Variants in ZNF66 observed in about 807,000 individuals in gnomAD.
ZNF66 encodes putative zinc finger protein 66.
ZNF66 carries 32 observed loss-of-function variants against 35.2 expected under a neutral mutation model. That is an observed-to-expected ratio of 0.91 (90% CI 0.69 to 1.22). The LOEUF is 1.22. Ranked by LOEUF, ZNF66 falls within the 50% of genes most tolerant of loss-of-function variation. The pLI is 0.00. For synonymous variants in ZNF66, 231 were observed against 181.3 expected, an observed-to-expected ratio of 1.27 and a Z score of -2.20; for missense variants, 666 against 543.1, an observed-to-expected ratio of 1.23 and a Z score of -2.25.
At chr19:20,782,373 T>C (rs79337627) in intron 1 of ZNF66, among the ~76,000 whole-genome samples, 1,700 of 152,344 alleles carry the variant, frequency 0.011, 19 homozygotes, top group South Asian at 0.046. Flanking sequence ...AATTTATATT[T>C]CCTTGGGTAT....
intron 3 of ZNF66, among the ~76,000 whole-genome samples, chr19:20,804,870 C>G (rs541688832): frequency 6.6e-6 from 1 of 152,218 alleles, no homozygotes; most frequent in Admixed American, 6.5e-5. Flanking sequence ...TCAGTAATCA[C>G]TTGCTAGACT....
At chr19:20,805,059 A>C (rs16997288) in intron 3 of ZNF66, among the ~76,000 whole-genome samples, 25,971 of 151,578 alleles carry the variant, frequency 0.17, 2,535 homozygotes, top group African/African-American at 0.26. Context: ...TGTATGTGCC[A>C]ATATTTTTCC....
In ZNF66 at chr19:20,792,373, GA is replaced by G. The variant is rs1971345965; in HGVS notation, c.4-135del. On this transcript the variant is annotated intron_variant, in intron 1 of 3. Coordinates refer to ENST00000344519, the MANE Select transcript of ZNF66 (RefSeq NM_001355197.2). ...ATACTTTAGAGAATATTTCTGTGTTGAAAATTATTTTATAGGATAACTTTAG... is the reference window on the plus strand; with the variant it reads ...ATACTTTAGAGAATATTTCTGTGTTGAAATTATTTTATAGGATAACTTTAG... 3.9e-6 allele frequency: 3 copies of G among 770,462 alleles called. No individual in the cohort carries two copies. The Admixed American group carries it at 1.0e-4, about 27-fold the overall frequency. The allele number at this position is 770,462 out of a possible 1,614,324, so 47.7% of individuals were successfully genotyped here.
chr19:20,807,128 A>C lies in ZNF66; in HGVS notation c.1528A>C (p.Lys510Gln). Reference sequence around the variant, plus strand: ...AATTCATACTGCAGATAAACCCTACAAATGTGAAGAATGTGGCAAAGACTT... The same window carrying C: ...AATTCATACTGCAGATAAACCCTACCAATGTGAAGAATGTGGCAAAGACTT... ...KRIHTADKPYKCEECGKDFKY... is the reference protein window; with the variant it reads ...KRIHTADKPYQCEECGKDFKY... Residue 510 changes from lysine to glutamine, a missense_variant, in exon 4 of 4, where the codon AAA becomes CAA. By Grantham distance (53) the Lys-to-Gln change is moderately conservative. Coordinates refer to ENST00000344519, the MANE Select transcript of ZNF66 (RefSeq NM_001355197.2). 1.3e-6 allele frequency: 1 copy of C among 798,156 alleles called. No homozygotes were observed. 49.4% of individuals were successfully genotyped at this position (798,156 alleles called of 1,614,324 possible). A position where few individuals can be genotyped will look rare whatever the true frequency, so the allele number is the denominator to read the frequency against.
In ZNF66 at chr19:20,806,706, A is replaced by C. The variant is rs1041287608; in HGVS notation, c.1106A>C (p.Tyr369Ser). ...HKIIHTGEKPYKCEECGEAFK... is the reference protein window; with the variant it reads ...HKIIHTGEKPSKCEECGEAFK... ...ATAATCCATACTGGAGAGAAACCCT[A>C]CAAATGTGAAGAATGTGGTGAAGCC... The change falls in exon 4 of 4, where the codon TAC becomes TCC. Residue 369 changes from tyrosine to serine, a missense_variant. Tyr to Ser is a moderately radical substitution (Grantham distance 144). Transcript: ENST00000344519. 1 of 1,453,412 alleles carries C rather than the reference A, an allele frequency of 6.9e-7. No homozygotes were observed. Among genetic ancestry groups the C allele is most frequent in the Admixed American group, 1.7e-5 (1 of 59,696 alleles). The allele number at this position is 1,453,412 out of a possible 1,614,324, so 90.0% of individuals were successfully genotyped here. A position where few individuals can be genotyped will look rare whatever the true frequency, so the allele number is the denominator to read the frequency against.
At chr19:20,785,198 C>T (rs1971276545) in intron 1 of ZNF66, 2 of 152,286 alleles carry the variant, frequency 1.3e-5, no homozygotes, top group South Asian at 4.1e-4. Context: ...AAATGTAGTT[C>T]ACATAAAATG....
At chr19:20,791,460 G>A (rs1351634248) in intron 1 of ZNF66, among the ~76,000 whole-genome samples, 6 of 149,462 alleles carry the variant, frequency 4.0e-5, no homozygotes, top group Non-Finnish European at 7.4e-5. Flanking sequence ...ACTCCAGCCT[G>A]GGGGACAAGA....
chr19:20,804,614 T>C (rs574861617), intron 3 of ZNF66, among the ~76,000 whole-genome samples: 4 of 152,284 alleles, frequency 2.6e-5, no homozygotes, highest in Admixed American at 2.0e-4. Flanking sequence ...CAATCTTCAC[T>C]CACTGATGGG....
At chr19:20,799,867 A>C (rs1971432253) in intron 3 of ZNF66, among the ~76,000 whole-genome samples, 1 of 152,210 alleles carries the variant, frequency 6.6e-6, no homozygotes, top group Non-Finnish European at 1.5e-5. Flanking sequence ...TTTGAAAAAT[A>C]AAATTTGTTG....
At chr19:20,805,567 T>A (rs1243530724) in intron 3 of ZNF66, among the ~76,000 whole-genome samples, 1 of 152,136 alleles carries the variant, frequency 6.6e-6, no homozygotes, top group Non-Finnish European at 1.5e-5. Flanking sequence ...AACAGACTTT[T>A]TTTTTTTCTT....
At position 20,808,866 on chromosome 19, in the gene ZNF66, GAGA is replaced by G. The variant is rs1971556114; in HGVS notation, c.*1550_*1552del. Among the ~76,000 whole-genome samples the G allele has an allele frequency of 6.6e-6, 1 of 152,122 alleles. No homozygotes were observed. Among genetic ancestry groups the G allele is most frequent in the African/African-American group, 2.4e-5 (1 of 41,428 alleles). On this transcript the variant is annotated 3_prime_UTR_variant, in exon 4 of 4. Coordinates refer to ENST00000344519, the MANE Select transcript of ZNF66 (RefSeq NM_001355197.2). ...ATGGAGAATGACTTTGATGAGTTGA[GAGA>G]AGAAGGCTTCAGACGATCAAACTAC...
chr19:20,783,172 T>A (rs1439700933), intron 1 of ZNF66, among the ~76,000 whole-genome samples: 2 of 152,186 alleles, frequency 1.3e-5, no homozygotes, highest in Admixed American at 6.6e-5. Flanking sequence ...GGTGGCATTA[T>A]TTCTGGGCTC....
rs764828494 is a variant in ZNF66 at position 20,806,804 on chromosome 19, T to C, written c.1204T>C (p.Cys402Arg). 7 of 1,303,678 alleles carry C rather than the reference T, an allele frequency of 5.4e-6. No individual in the cohort carries two copies. The South Asian group carries it at 7.1e-5, about 13-fold the overall frequency. 80.8% of individuals were successfully genotyped at this position (1,303,678 alleles called of 1,614,324 possible). ...TGKKPYKCEE[C>R]GKVFKHSSPL... ...AAAGAAACCTTACAAATGTGAAGAA[T>C]GTGGCAAAGTGTTTAAGCACTCCTC... The change falls in exon 4 of 4, where the codon TGT becomes CGT. Residue 402 changes from cysteine to arginine, a missense_variant. Coordinates refer to ENST00000344519, the MANE Select transcript of ZNF66 (RefSeq NM_001355197.2).
chr19:20,794,580 A>T (rs1971373502), intron 3 of ZNF66: 1 of 151,470 alleles, frequency 6.6e-6, no homozygotes. Flanking sequence ...TCATTGACAT[A>T]AAATATTTTA....
intron 1 of ZNF66, among the ~76,000 whole-genome samples, chr19:20,777,114 TAAAA>T (rs767934089): frequency 5.3e-5 from 5 of 95,020 alleles, no homozygotes; most frequent in African/African-American, 1.7e-4. Context: ...GACTCTTGTC[TAAAA>T]AAAAAAAAAA....
rs1568502392 is a variant in ZNF66 at position 20,807,382 on chromosome 19, T to C, written c.*60T>C. On this transcript the variant is annotated 3_prime_UTR_variant, in exon 4 of 4. Coordinates refer to ENST00000344519, the MANE Select transcript of ZNF66 (RefSeq NM_001355197.2). ...CATACTGGAGAGAAACCCTATGAGT[T>C]TGATGAATGTGGGAAAGACTTTAAC... The C allele has an allele frequency of 1.8e-6, 1 of 567,518 alleles. No individual in the cohort carries two copies. The highest frequency in any genetic ancestry group is 1.9e-5 in the African/African-American group (1 of 53,262). The allele number at this position is 567,518 out of a possible 1,614,324, so 35.2% of individuals were successfully genotyped here.
At chr19:20,804,159 T>G (rs1971477227) in intron 3 of ZNF66, among the ~76,000 whole-genome samples, 1 of 152,004 alleles carries the variant, frequency 6.6e-6, no homozygotes, top group Non-Finnish European at 1.5e-5. Flanking sequence ...TGTTTCTGGT[T>G]GTTATTCTCA....
Position 20,785,773 on chromosome 19 carries a change from G to T in ZNF66, c.4-6739G>T, listed in dbSNP as rs796927651. On this transcript the variant is annotated intron_variant, in intron 1 of 3. Transcript: ENST00000344519. ...TCTGTTTTTGTTTGTTTGTTTGTTT[G>T]TTTTTTGAGATAGAGGTCTCACTCT... Among the ~76,000 whole-genome samples the T allele has an allele frequency of 6.9e-3, 882 of 126,988 alleles. 11 individuals carry two copies. The highest frequency in any genetic ancestry group is 0.023 in the African/African-American group (827 of 35,286). 83.3% of individuals were successfully genotyped at this position (126,988 alleles called of 152,430 possible). A position where few individuals can be genotyped will look rare whatever the true frequency, so the allele number is the denominator to read the frequency against.
rs757036955 is a variant in ZNF66, at chr19:20,776,331, T to A, written c.-117T>A. On this transcript the variant is annotated 5_prime_UTR_variant, in exon 1 of 4. Coordinates refer to ENST00000344519, the MANE Select transcript of ZNF66 (RefSeq NM_001355197.2). ...CTCTCCCTGCAGCTGGAGCTCCAGG[T>A]CGTCTGTTCACTGCTCTCTGTCTTC... The A allele has an allele frequency of 2.4e-4, 341 of 1,443,016 alleles. 1 individual carries two copies. The highest frequency in any genetic ancestry group is 3.3e-4 in the Non-Finnish European group (339 of 1,028,430). The allele number at this position is 1,443,016 out of a possible 1,614,324, so 89.4% of individuals were successfully genotyped here. A position where few individuals can be genotyped will look rare whatever the true frequency, so the allele number is the denominator to read the frequency against.
Sources: gnomAD v4.1 joint callset for allele counts (sites outside exome capture counted in the v4.1 genomes callset) on GRCh38, gnomAD v4.1.1 for gene constraint, MANE v1.5 for transcripts, NCBI Gene and HGNC (gene_info 2026-07-23, HGNC 2026-07-21) for gene names.